Variants in RBFOX2 observed in about 807,000 individuals in gnomAD.
RBFOX2 encodes the protein RNA binding protein fox-1 homolog 2.
A neutral mutation model predicts 49.1 loss-of-function variants in RBFOX2; 10 were observed. The ratio of observed to expected loss-of-function variants is 0.20; its 90% CI spans 0.13 to 0.35. RBFOX2 has a LOEUF of 0.35. RBFOX2 is among the 10% of genes least tolerant of loss of function. RBFOX2 has a pLI of 1.00. For synonymous variants in RBFOX2, 183 were observed against 187.4 expected, an observed-to-expected ratio of 0.98 and a Z score of 0.19; for missense variants, 323 against 486.9, an observed-to-expected ratio of 0.66 and a Z score of 3.17.
intron 10 of RBFOX2, 116 bp from the exon 13 acceptor site, chr22:35,746,111 A>G: frequency 1.1e-6 from 1 of 898,152 alleles, no homozygotes; most frequent in Non-Finnish European, 1.8e-6. Flanking sequence ...ATCATAAGGA[A>G]ACTGGAATTA....
At chr22:35,756,221 G>A in intron 9 of RBFOX2, 77 bp from the exon 11 acceptor site, 2 of 1,342,558 alleles carry the variant, frequency 1.5e-6, no homozygotes, top group South Asian at 1.5e-5. Flanking sequence ...GAGGACGGCA[G>A]CATGCACATG....
chr22:35,787,078 C>T (rs1182698474), intron 2 of RBFOX2, among the ~76,000 whole-genome samples: 6 of 152,078 alleles, frequency 3.9e-5, no homozygotes, highest in African/African-American at 7.2e-5. Context: ...CTCCCTCTGT[C>T]GCCCAGGCTG....
chr22:35,845,571 A>T (rs1206760542), upstream of RBFOX2, among the ~76,000 whole-genome samples: 1 of 152,206 alleles, frequency 6.6e-6, no homozygotes, highest in Non-Finnish European at 1.5e-5. Flanking sequence ...AATTTAATTC[A>T]CAAATTACTA....
At chr22:35,743,730 A>G (rs538525364) in exon 12 of RBFOX2, 2 of 153,102 alleles carry the variant, frequency 1.3e-5, no homozygotes, top group South Asian at 4.1e-4. Context: ...AGACTAGAAG[A>G]ATATCCTGTT....
chr22:35,774,516 T>C (rs537510865), intron 4 of RBFOX2, among the ~76,000 whole-genome samples: 1 of 152,256 alleles, frequency 6.6e-6, no homozygotes, highest in African/African-American at 2.4e-5. Flanking sequence ...TTATAAAGGA[T>C]TAGGGAGTAA....
At chr22:35,942,017 C>T (rs1182333735), upstream of RBFOX2, among the ~76,000 whole-genome samples, 3 of 152,258 alleles carry the variant, frequency 2.0e-5, no homozygotes, top group East Asian at 5.8e-4. Context: ...GGCATTTTTG[C>T]TCAATACTAT....
chr22:35,871,695 G>A (rs2044373663), intron 1 of RBFOX2, among the ~76,000 whole-genome samples: 2 of 152,188 alleles, frequency 1.3e-5, no homozygotes, highest in African/African-American at 4.8e-5. Flanking sequence ...GATCCAGTAA[G>A]CTCAAAAGAG....
chr22:35,951,586 TGTA>T (rs1376199004), intron 1 of RBFOX2, among the ~76,000 whole-genome samples: 1 of 152,146 alleles, frequency 6.6e-6, no homozygotes, highest in Non-Finnish European at 1.5e-5. Context: ...CAAAGTACTG[TGTA>T]GTCTCTCTCT....
chr22:35,757,407 T>A (rs1328340477), intron 9 of RBFOX2, among the ~76,000 whole-genome samples: 1 of 152,260 alleles, frequency 6.6e-6, no homozygotes, highest in African/African-American at 2.4e-5. Flanking sequence ...CTCTGTGAAG[T>A]CAAGATCAGA....
chr22:35,797,988 T>C (rs1246577985), intron 2 of RBFOX2, among the ~76,000 whole-genome samples: 1 of 152,204 alleles, frequency 6.6e-6, no homozygotes, highest in Non-Finnish European at 1.5e-5. Flanking sequence ...TTTTCTTGTT[T>C]TTTTGAGACT....
rs369246611 is a variant in RBFOX2, at chr22:35,840,307, A to T, written c.-89T>A. 5.2e-6 allele frequency: 8 copies of T among 1,549,058 alleles called. No individual in the cohort carries two copies. The Admixed American group carries it at 8.6e-5, about 17-fold the overall frequency. Reference sequence around the variant, plus strand: ...TCTTTTCCACCCCCCTCCCCCCCCAATCTAGCTATTTAAGGGTGGGTAATT... The same window carrying T: ...TCTTTTCCACCCCCCTCCCCCCCCATTCTAGCTATTTAAGGGTGGGTAATT... On this transcript the variant is annotated 5_prime_UTR_variant, in exon 1 of 12. Coordinates refer to ENST00000405409, the Ensembl canonical transcript of RBFOX2.
rs3075245 is a variant in RBFOX2, at chr22:35,933,926, TTATATA to T, written c.-34+4915_-34+4920del. ...GTTCTTATAATTATATAATTAAATG[TTATATA>T]TATATATATATATATATATATACAC... On this transcript the variant is annotated intron_variant, in intron 1 of 13. Coordinates refer to the RBFOX2 transcript ENST00000359369. Among the ~76,000 whole-genome samples, 106 of 118,008 alleles carry T rather than the reference TTATATA, an allele frequency of 9.0e-4. 1 individual carries two copies. Among genetic ancestry groups the T allele is most frequent in the Middle Eastern group, 4.0e-3 (1 of 252 alleles). The allele number at this position is 118,008 out of a possible 152,430, so 77.4% of individuals were successfully genotyped here.
chr22:35,900,186 T>A (rs2048395905), intron 1 of RBFOX2, among the ~76,000 whole-genome samples: 1 of 152,194 alleles, frequency 6.6e-6, no homozygotes, highest in Non-Finnish European at 1.5e-5. Context: ...TGATCTCGGC[T>A]CACTGCAACC....
At chr22:35,906,657 A>C (rs1321611844) in intron 1 of RBFOX2, among the ~76,000 whole-genome samples, 2 of 152,104 alleles carry the variant, frequency 1.3e-5, no homozygotes, top group Non-Finnish European at 2.9e-5. Flanking sequence ...TCTACTAAAA[A>C]TACAAAAATT....
At chr22:36,005,173 T>G (rs1330350144) in intron 1 of RBFOX2, among the ~76,000 whole-genome samples, 1 of 152,186 alleles carries the variant, frequency 6.6e-6, no homozygotes, top group Non-Finnish European at 1.5e-5. Context: ...TAATTCAAGA[T>G]TTTATTCTAC....
chr22:35,758,902 G>C (rs1007331076), intron 9 of RBFOX2, among the ~76,000 whole-genome samples: 1 of 152,152 alleles, frequency 6.6e-6, no homozygotes, highest in Non-Finnish European at 1.5e-5. Flanking sequence ...ATACAAAGGA[G>C]GTTCCTTCCC....
At chr22:35,956,982 C>A (rs558900151) in intron 1 of RBFOX2, among the ~76,000 whole-genome samples, 1 of 152,282 alleles carries the variant, frequency 6.6e-6, no homozygotes, top group East Asian at 1.9e-4. Context: ...AAGAACATAA[C>A]TACTCAGTCG....
intron 1 of RBFOX2, among the ~76,000 whole-genome samples, chr22:35,825,932 C>T (rs907214220): frequency 2.6e-4 from 36 of 136,088 alleles, no homozygotes; most frequent in East Asian, 1.3e-3. Flanking sequence ...CAGTGAGCCA[C>T]GATCTCACCA....
chr22:35,805,598 A>G (rs1321143135), intron 2 of RBFOX2, among the ~76,000 whole-genome samples: 1 of 152,192 alleles, frequency 6.6e-6, no homozygotes, highest in Non-Finnish European at 1.5e-5. Context: ...TACTCTTATC[A>G]TATGATCCAG....
Sources: allele counts gnomAD v4.1 joint callset (sites outside exome capture counted in the v4.1 genomes callset), GRCh38; gene constraint gnomAD v4.1.1; transcripts MANE v1.5; gene names NCBI Gene and HGNC (gene_info 2026-07-23, HGNC 2026-07-21).